AMOTL1: variants seen among roughly 807,000 people sequenced by gnomAD.
The protein encoded by AMOTL1 is angiomotin like 1.
AMOTL1 carries 45 observed loss-of-function variants against 102.9 expected under a neutral mutation model. The observed-to-expected ratio is 0.44, with a 90% CI of 0.34 to 0.56. The LOEUF (loss-of-function observed/expected upper bound fraction) is 0.56, where lower values mean the gene tolerates loss of function less well. AMOTL1 is among the 20% of genes least tolerant of loss of function. The pLI, the probability that AMOTL1 is intolerant of heterozygous loss-of-function variation, is 0.01. For synonymous variants in AMOTL1, 481 were observed against 484.7 expected, an observed-to-expected ratio of 0.99 and a Z score of 0.10; for missense variants, 1,114 against 1,225.6, an observed-to-expected ratio of 0.91 and a Z score of 1.36.
intron 1 of AMOTL1, among the ~76,000 whole-genome samples, chr11:94,709,729 G>A (rs1426465119): frequency 6.6e-6 from 1 of 152,130 alleles, no homozygotes; most frequent in Non-Finnish European, 1.5e-5. Context: ...GAACCACTCA[G>A]CTCAGCCCAC....
At chr11:94,812,417 A>G (rs976692885) in intron 3 of AMOTL1, among the ~76,000 whole-genome samples, 2 of 152,198 alleles carry the variant, frequency 1.3e-5, no homozygotes, top group Non-Finnish European at 2.9e-5. Context: ...TTAGCTTTCA[A>G]CTGAATACAC....
At chr11:94,757,145 G>T (rs1950736261) in intron 3 of AMOTL1, among the ~76,000 whole-genome samples, 1 of 152,098 alleles carries the variant, frequency 6.6e-6, no homozygotes, top group African/African-American at 2.4e-5. Context: ...AAGAAACTAT[G>T]TGTCTAGCAC....
intron 12 of AMOTL1, 32 bp downstream of exon 12, chr11:94,869,505 A>C (rs747884317): frequency 4.0e-5 from 62 of 1,554,670 alleles, no homozygotes; most frequent in Non-Finnish European, 5.1e-5. Context: ...GATGCCCCTG[A>C]AAACTGTGGA....
At chr11:94,851,692 A>G (rs993252262) in intron 7 of AMOTL1, among the ~76,000 whole-genome samples, 1 of 152,246 alleles carries the variant, frequency 6.6e-6, no homozygotes, top group Non-Finnish European at 1.5e-5. Context: ...AATGGAGATA[A>G]TAAAGGACTT....
chr11:94,710,516 A>G (rs1950006750), intron 1 of AMOTL1, among the ~76,000 whole-genome samples: 1 of 152,200 alleles, frequency 6.6e-6, no homozygotes, highest in South Asian at 2.1e-4. Flanking sequence ...TGGAGTGCTT[A>G]GCACAGTGCC....
chr11:94,716,833 C>T (rs140259329), intron 1 of AMOTL1, among the ~76,000 whole-genome samples: 257 of 152,204 alleles, frequency 1.7e-3, no homozygotes, highest in African/African-American at 5.6e-3. Flanking sequence ...GAAGAGAGTG[C>T]GGCTTGCCAG....
intron 1 of AMOTL1, 90 bp from the exon 2 acceptor site, chr11:94,794,921 G>A: frequency 5.7e-6 from 8 of 1,392,254 alleles, no homozygotes; most frequent in Non-Finnish European, 6.8e-6. Context: ...GAAACACTGT[G>A]GGAGAATGCC....
intron 8 of AMOTL1, among the ~76,000 whole-genome samples, chr11:94,856,250 T>A (rs1952661236): frequency 6.6e-6 from 1 of 152,172 alleles, no homozygotes. Flanking sequence ...GGATGCTCAA[T>A]CTTATTATTT....
chr11:94,779,077 A>C (rs1591956142), intron 1 of AMOTL1, among the ~76,000 whole-genome samples: 1 of 152,216 alleles, frequency 6.6e-6, no homozygotes, highest in Non-Finnish European at 1.5e-5. Flanking sequence ...ATGTAGACCC[A>C]CCTTTCCACA....
chr11:94,815,160 G>A (rs184557009), intron 3 of AMOTL1, among the ~76,000 whole-genome samples: 20 of 152,216 alleles, frequency 1.3e-4, no homozygotes, highest in African/African-American at 3.6e-4. Context: ...ATAAATTATC[G>A]TTTAGATTCA....
At chr11:94,795,728 C>T (rs1016749215) in intron 2 of AMOTL1, among the ~76,000 whole-genome samples, 3 of 152,176 alleles carry the variant, frequency 2.0e-5, no homozygotes, top group Non-Finnish European at 4.4e-5. Flanking sequence ...AAGGGGAATT[C>T]AATAGTTTTC....
At chr11:94,751,745 T>A (rs1457874952) in intron 3 of AMOTL1, among the ~76,000 whole-genome samples, 2 of 146,510 alleles carry the variant, frequency 1.4e-5, no homozygotes, top group Non-Finnish European at 3.0e-5. Context: ...AGTAATGGGA[T>A]AAAACATATA....
At chr11:94,731,823 C>T (rs1402706709) in intron 2 of AMOTL1, among the ~76,000 whole-genome samples, 1 of 152,182 alleles carries the variant, frequency 6.6e-6, no homozygotes, top group Non-Finnish European at 1.5e-5. Flanking sequence ...AATTCCCTCT[C>T]CAACACTCCC....
At chr11:94,757,399 A>T (rs1950739468) in intron 3 of AMOTL1, among the ~76,000 whole-genome samples, 1 of 152,148 alleles carries the variant, frequency 6.6e-6, no homozygotes, top group Non-Finnish European at 1.5e-5. Context: ...AGCCAATATC[A>T]TAGGACTACT....
chr11:94,761,532 A>T (rs755881056), intron 3 of AMOTL1, among the ~76,000 whole-genome samples: 3 of 151,988 alleles, frequency 2.0e-5, no homozygotes, highest in Non-Finnish European at 2.9e-5. Context: ...TTTTCTAGTT[A>T]TTTTTAATTA....
intron 8 of AMOTL1, among the ~76,000 whole-genome samples, chr11:94,857,619 C>T (rs1275645708): frequency 6.6e-6 from 1 of 152,180 alleles, no homozygotes; most frequent in Non-Finnish European, 1.5e-5. Context: ...AATTTTATCA[C>T]TTTTACAAAG....
chr11:94,780,787 T>C (rs907257405), intron 1 of AMOTL1, among the ~76,000 whole-genome samples: 11 of 152,188 alleles, frequency 7.2e-5, no homozygotes, highest in African/African-American at 2.4e-4. Context: ...AGGCAATGGG[T>C]ACCAAGAAAT....
intron 6 of AMOTL1, among the ~76,000 whole-genome samples, chr11:94,839,600 C>T (rs987389373): frequency 6.6e-6 from 1 of 152,220 alleles, no homozygotes; most frequent in African/African-American, 2.4e-5. Flanking sequence ...TGTTGAACTC[C>T]TGGTGATTTT....
rs564980143 is a variant in AMOTL1, at chr11:94,854,782, A to G, written c.1944+700A>G. On this transcript the variant is annotated intron_variant, in intron 8 of 12. Coordinates refer to ENST00000433060, the MANE Select transcript of AMOTL1 (RefSeq NM_130847.3). ...GGAGGAGTTGAAGGGAAGAGCCAAT[A>G]AGGGGGTGACATTAGTAGCCCATGA... Among the ~76,000 whole-genome samples, 3 of 152,192 alleles carry G rather than the reference A, an allele frequency of 2.0e-5. No homozygotes were observed. The East Asian group carries it at 5.8e-4, about 29-fold the overall frequency.
Sources: allele counts gnomAD v4.1 joint callset (sites outside exome capture counted in the v4.1 genomes callset), GRCh38; gene constraint gnomAD v4.1.1; transcripts MANE v1.5; gene names NCBI Gene and HGNC (gene_info 2026-07-23, HGNC 2026-07-21).